The following PLCB1 variants were observed in gnomAD, a reference collection of about 807,000 sequenced individuals.
PLCB1 encodes the protein 1-phosphatidylinositol 4,5-bisphosphate phosphodiesterase beta-1.
Under a neutral mutation model 161.8 loss-of-function variants are expected in PLCB1, and 46 were observed. The observed-to-expected ratio is 0.28, with a 90% CI of 0.22 to 0.36. The LOEUF is 0.36. PLCB1 is among the 10% of genes least tolerant of loss of function. The probability of loss-of-function intolerance (pLI) is 1.00; values close to 1 mark genes in which losing one functional copy is unlikely to be tolerated. For synonymous variants in PLCB1, 517 were observed against 503.7 expected (o/e 1.03, Z -0.35); for missense variants, 1,016 against 1,472.5 (o/e 0.69, Z 5.07).
At chr20:8,730,531 C>T (rs950699899) in intron 18 of PLCB1, among the ~76,000 whole-genome samples, 1 of 151,766 alleles carries the variant, frequency 6.6e-6, no homozygotes, top group Non-Finnish European at 1.5e-5. Context: ...TGGTGATTCT[C>T]CTTTACTACT....
chr20:8,290,660 G>T (rs947845402), intron 2 of PLCB1, among the ~76,000 whole-genome samples: 1 of 152,122 alleles, frequency 6.6e-6, no homozygotes, highest in Non-Finnish European at 1.5e-5. Flanking sequence ...AATGGCAAGG[G>T]GATATAGACA....
At chr20:8,149,106 T>C (rs1789123283) in intron 1 of PLCB1, among the ~76,000 whole-genome samples, 1 of 152,262 alleles carries the variant, frequency 6.6e-6, no homozygotes, top group Non-Finnish European at 1.5e-5. Flanking sequence ...CAGAATATCC[T>C]GATAAACTTA....
At chr20:8,744,157 CTAAAA>C (rs1210209043) in intron 23 of PLCB1, among the ~76,000 whole-genome samples, 1 of 151,664 alleles carries the variant, frequency 6.6e-6, no homozygotes, top group Non-Finnish European at 1.5e-5. Context: ...ACCCCTGAAC[CTAAAA>C]TAAAAGCTAA....
chr20:8,307,784 T>G (rs567067167), intron 2 of PLCB1, among the ~76,000 whole-genome samples: 1 of 151,086 alleles, frequency 6.6e-6, no homozygotes, highest in African/African-American at 2.4e-5. Context: ...TAGCCGGGCA[T>G]AGTGGCACGC....
intron 3 of PLCB1, among the ~76,000 whole-genome samples, chr20:8,510,818 G>A (rs1396771790): frequency 2.6e-5 from 4 of 152,052 alleles, no homozygotes; most frequent in Non-Finnish European, 5.9e-5. Context: ...GTTTTTACTA[G>A]GACTTTTTCT....
intron 3 of PLCB1, among the ~76,000 whole-genome samples, chr20:8,535,608 G>A (rs542087670): frequency 3.3e-5 from 5 of 152,286 alleles, no homozygotes; most frequent in Admixed American, 1.3e-4. Flanking sequence ...ATTTGGCAAA[G>A]GACAGCGCCC....
intron 1 of PLCB1, among the ~76,000 whole-genome samples, chr20:8,133,006 T>G (rs2051308698): frequency 6.6e-6 from 1 of 152,082 alleles, no homozygotes; most frequent in Admixed American, 6.5e-5. Context: ...TCTTACATCT[T>G]TTGGGCCAGT....
chr20:8,645,267 A>G (rs1333177054), intron 4 of PLCB1, among the ~76,000 whole-genome samples: 2 of 151,772 alleles, frequency 1.3e-5, no homozygotes, highest in Non-Finnish European at 2.9e-5. Flanking sequence ...TGACCCTGCC[A>G]AATCCCCCTC....
chr20:8,844,892 C>T (rs993155755), intron 31 of PLCB1, among the ~76,000 whole-genome samples: 59 of 152,056 alleles, frequency 3.9e-4, no homozygotes, highest in African/African-American at 1.3e-3. Flanking sequence ...GGGCGGATCA[C>T]GAGATCAGGA....
intron 2 of PLCB1, among the ~76,000 whole-genome samples, chr20:8,316,607 A>G (rs1385631582): frequency 6.6e-6 from 1 of 152,124 alleles, no homozygotes; most frequent in South Asian, 2.1e-4. Flanking sequence ...ACTCCCTTCC[A>G]TAGTTATTAA....
intron 2 of PLCB1, among the ~76,000 whole-genome samples, chr20:8,269,367 A>C (rs377112762): frequency 2.6e-5 from 4 of 152,120 alleles, no homozygotes; most frequent in African/African-American, 9.7e-5. Flanking sequence ...AGTTTGCTCA[A>C]CTTGATTCTC....
intron 3 of PLCB1, among the ~76,000 whole-genome samples, chr20:8,623,261 CTGTT>C (rs1988235461): frequency 6.6e-6 from 1 of 152,142 alleles, no homozygotes. Context: ...TTTAGCTTCT[CTGTT>C]TGTGAACCAG....
At chr20:8,297,897 T>G (rs1384916844) in intron 2 of PLCB1, among the ~76,000 whole-genome samples, 1 of 151,822 alleles carries the variant, frequency 6.6e-6, no homozygotes, top group East Asian at 1.9e-4. Context: ...TTTGGGTTTT[T>G]TTTTTTTTTT....
At chr20:8,803,741 T>A (rs1984395354) in intron 31 of PLCB1, among the ~76,000 whole-genome samples, 1 of 152,170 alleles carries the variant, frequency 6.6e-6, no homozygotes, top group African/African-American at 2.4e-5. Context: ...TTTTTTGTTG[T>A]TGTTACTCTT....
At chr20:8,448,547 T>G (rs1360425458) in intron 3 of PLCB1, among the ~76,000 whole-genome samples, 1 of 152,230 alleles carries the variant, frequency 6.6e-6, no homozygotes, top group African/African-American at 2.4e-5. Flanking sequence ...GTGCCCAAGA[T>G]TGTGAAAATC....
chr20:8,837,058 T>A (rs1471182180), intron 31 of PLCB1, among the ~76,000 whole-genome samples: 2 of 152,166 alleles, frequency 1.3e-5, no homozygotes, highest in East Asian at 3.9e-4. Flanking sequence ...TCAGCCCCGA[T>A]GAAGCTGAGG....
chr20:8,786,537 G>A (rs1426535300), intron 27 of PLCB1, among the ~76,000 whole-genome samples: 1 of 152,096 alleles, frequency 6.6e-6, no homozygotes, highest in African/African-American at 2.4e-5. Flanking sequence ...TATTTGTCTG[G>A]GTTTGTACCC....
At chr20:8,471,049 G>T (rs1262443631) in intron 3 of PLCB1, among the ~76,000 whole-genome samples, 1 of 152,060 alleles carries the variant, frequency 6.6e-6, no homozygotes, top group African/African-American at 2.4e-5. Context: ...TTAATATTTG[G>T]TTTACTGTTT....
At chr20:8,701,125 A>G (rs1333988354) in intron 11 of PLCB1, among the ~76,000 whole-genome samples, 3 of 152,224 alleles carry the variant, frequency 2.0e-5, no homozygotes, top group African/African-American at 4.8e-5. Context: ...CACTGCTTGC[A>G]TGATTATCAG....
Sources: gnomAD v4.1 joint callset for allele counts (sites outside exome capture counted in the v4.1 genomes callset) on GRCh38, gnomAD v4.1.1 for gene constraint, MANE v1.5 for transcripts, NCBI Gene and HGNC (gene_info 2026-07-23, HGNC 2026-07-21) for gene names.